Variants in NBEA observed in about 807,000 individuals in gnomAD.
NBEA encodes lysosomal-trafficking regulator 2.
NBEA carries 44 observed loss-of-function variants against 343.4 expected under a neutral mutation model. The ratio of observed to expected loss-of-function variants is 0.13; its 90% CI spans 0.10 to 0.16. The LOEUF (loss-of-function observed/expected upper bound fraction) is 0.16. Ranked by LOEUF, NBEA falls within the 10% of genes least tolerant of loss-of-function variation. The pLI, the probability that NBEA is intolerant of heterozygous loss-of-function variation, is 1.00. For synonymous variants in NBEA, 1,175 were observed against 1,238.7 expected (o/e 0.95, Z 1.08); for missense variants, 2,555 against 3,631.3 (o/e 0.70, Z 7.62).
At position 35,155,292 on chromosome 13, in the gene NBEA, A is replaced by G. The variant is rs533492499; in HGVS notation, c.2446-482A>G. On this transcript the variant is annotated intron_variant, in intron 18 of 58. Transcript: ENST00000379939. ...ATAATAAATAAAATTTGGTGAATAC[A>G]GAGTTAAAGAGTTTAGAAGTATGTG... Among the ~76,000 whole-genome samples, 33 of 152,240 alleles carry G rather than the reference A, an allele frequency of 2.2e-4. No homozygotes were observed. The South Asian group carries it at 6.6e-3, about 31-fold the overall frequency.
At chr13:35,417,255 T>TA in intron 38 of NBEA, among the ~76,000 whole-genome samples, 1 of 152,292 alleles carries the variant, frequency 6.6e-6, no homozygotes, top group South Asian at 2.1e-4. Context: ...GCTCTGATCT[T>TA]AGTTATTTCT....
chr13:34,988,771 CT>C (rs1406975395), intron 1 of NBEA, among the ~76,000 whole-genome samples: 1 of 150,966 alleles, frequency 6.6e-6, no homozygotes, highest in Non-Finnish European at 1.5e-5. Context: ...CACAATCTGT[CT>C]TGTTTATTTG....
chr13:35,560,782 G>A (rs2079822920), intron 44 of NBEA, among the ~76,000 whole-genome samples: 1 of 152,110 alleles, frequency 6.6e-6, no homozygotes, highest in Admixed American at 6.6e-5. Flanking sequence ...CTGGATTGGG[G>A]GCTTTCTTCT....
At chr13:35,129,294 TA>T (rs2067290027) in intron 17 of NBEA, among the ~76,000 whole-genome samples, 1 of 152,040 alleles carries the variant, frequency 6.6e-6, no homozygotes, top group Admixed American at 6.6e-5. Context: ...TTAGAAATGT[TA>T]GATAAAAATA....
intron 38 of NBEA, among the ~76,000 whole-genome samples, chr13:35,389,981 G>GTA (rs1367814322): frequency 6.6e-6 from 1 of 150,988 alleles, no homozygotes; most frequent in Non-Finnish European, 1.5e-5. Flanking sequence ...GTGTGTGTGT[G>GTA]TGTGTGTGTG....
intron 1 of NBEA, among the ~76,000 whole-genome samples, chr13:34,999,222 T>C (rs890897446): frequency 2.0e-5 from 3 of 152,200 alleles, no homozygotes; most frequent in Non-Finnish European, 1.5e-5. Flanking sequence ...TTTGTGGGTA[T>C]ATAATATGGG....
At chr13:35,028,371 T>G (rs2062085609) in intron 1 of NBEA, among the ~76,000 whole-genome samples, 1 of 151,928 alleles carries the variant, frequency 6.6e-6, no homozygotes, top group African/African-American at 2.4e-5. Context: ...GATAGTCTTG[T>G]ACATAGTTTG....
chr13:35,374,398 A>C (rs185523203), intron 38 of NBEA, among the ~76,000 whole-genome samples: 40 of 152,330 alleles, frequency 2.6e-4, no homozygotes, highest in African/African-American at 8.7e-4. Context: ...GATATTTTAG[A>C]AAGTTTTAAA....
intron 33 of NBEA, among the ~76,000 whole-genome samples, chr13:35,216,100 A>G (rs182117261): frequency 6.6e-6 from 1 of 151,536 alleles, no homozygotes. Flanking sequence ...CAGAATAGCT[A>G]TTGCTTTTCA....
At chr13:35,388,620 C>T (rs1310206980) in intron 38 of NBEA, among the ~76,000 whole-genome samples, 5 of 152,104 alleles carry the variant, frequency 3.3e-5, no homozygotes, top group African/African-American at 1.2e-4. Context: ...TAAAGAATAT[C>T]TGGCAGTCAT....
At chr13:35,398,859 T>G (rs2042869356) in intron 38 of NBEA, among the ~76,000 whole-genome samples, 1 of 152,124 alleles carries the variant, frequency 6.6e-6, no homozygotes, top group Non-Finnish European at 1.5e-5. Context: ...TAGCATGCCC[T>G]TTGAAGCTTT....
At chr13:35,295,423 T>C (rs569573630) in intron 35 of NBEA, among the ~76,000 whole-genome samples, 1 of 152,144 alleles carries the variant, frequency 6.6e-6, no homozygotes, top group African/African-American at 2.4e-5. Flanking sequence ...CCACCTCTTA[T>C]CTGTGATATA....
chr13:35,141,969 C>G (rs576469509), intron 17 of NBEA, among the ~76,000 whole-genome samples: 28 of 152,062 alleles, frequency 1.8e-4, no homozygotes, highest in African/African-American at 6.3e-4. Context: ...AAAATAACTT[C>G]AAAATAGTTA....
At chr13:35,638,121 G>A (rs1370991367) in intron 49 of NBEA, among the ~76,000 whole-genome samples, 3 of 152,082 alleles carry the variant, frequency 2.0e-5, no homozygotes, top group Admixed American at 2.0e-4. Flanking sequence ...AGGGAGTGGC[G>A]AGTTTTTGTT....
At chr13:35,201,113 A>G (rs187933911) in intron 31 of NBEA, among the ~76,000 whole-genome samples, 57 of 152,146 alleles carry the variant, frequency 3.7e-4, no homozygotes, top group Admixed American at 7.9e-4. Context: ...GAAATTTTCT[A>G]CATCTAGCCA....
chr13:35,500,985 T>C (rs1383693575), intron 41 of NBEA, among the ~76,000 whole-genome samples: 1 of 152,062 alleles, frequency 6.6e-6, no homozygotes, highest in East Asian at 1.9e-4. Flanking sequence ...GAAGAGACAA[T>C]AGAATTCTGC....
Position 35,671,361 on chromosome 13 carries a change from T to C in NBEA, c.*370T>C, listed in dbSNP as rs1002357159. 11 of 158,098 alleles carry C rather than the reference T, an allele frequency of 7.0e-5. No homozygotes were observed. Among genetic ancestry groups the C allele is most frequent in the Non-Finnish European group, 1.2e-4 (9 of 73,352 alleles). The allele number at this position is 158,098 out of a possible 1,614,324, so 9.8% of individuals were successfully genotyped here. On this transcript the variant is annotated 3_prime_UTR_variant, in exon 59 of 59. Coordinates refer to ENST00000379939, the MANE Select transcript of NBEA (RefSeq NM_001385012.1). ...GTTTAAGCTTTGAACCTAACCTGCA[T>C]CCCATTTCCAGCCTCTTTTCAAGCT... is the stretch of plus-strand genomic sequence containing the variant.
At chr13:35,505,874 A>T (rs1241531895) in intron 41 of NBEA, among the ~76,000 whole-genome samples, 1 of 152,156 alleles carries the variant, frequency 6.6e-6, no homozygotes, top group Non-Finnish European at 1.5e-5. Context: ...TGCATGTTCA[A>T]CTTACAGATT....
At chr13:35,605,401 G>A (rs756302125) in intron 47 of NBEA, among the ~76,000 whole-genome samples, 7 of 152,110 alleles carry the variant, frequency 4.6e-5, no homozygotes, top group African/African-American at 9.7e-5. Flanking sequence ...TAGGGATCCA[G>A]TTTATTTGAA....
Sources: gnomAD v4.1 joint callset for allele counts (sites outside exome capture counted in the v4.1 genomes callset) on GRCh38, gnomAD v4.1.1 for gene constraint, MANE v1.5 for transcripts, NCBI Gene and HGNC (gene_info 2026-07-23, HGNC 2026-07-21) for gene names.